Variants in CNTN4 observed in about 807,000 individuals in gnomAD.
CNTN4 encodes contactin-4.
Under a neutral mutation model 122.5 loss-of-function variants are expected in CNTN4, and 77 were observed. That is an observed-to-expected ratio of 0.63 (90% CI 0.52 to 0.76). The LOEUF (loss-of-function observed/expected upper bound fraction) is 0.76, where lower values mean the gene tolerates loss of function less well. Among genes scored for constraint, CNTN4 ranks in the 30% least tolerant of loss-of-function variants. The pLI, the probability that CNTN4 is intolerant of heterozygous loss-of-function variation, is 0.00. For missense variants in CNTN4, 1,256 were observed against 1,259.1 expected (o/e 1.00, Z 0.04); for synonymous variants, 512 against 447.0 (o/e 1.15, Z -1.83).
intron 6 of CNTN4, among the ~76,000 whole-genome samples, chr3:2,786,082 C>G (rs2091812516): frequency 6.6e-6 from 1 of 151,978 alleles, no homozygotes; most frequent in Admixed American, 6.6e-5. Context: ...CAGCCGAACT[C>G]CAGGGGAAGA....
chr3:3,036,733 C>T (rs1431370403), intron 17 of CNTN4, among the ~76,000 whole-genome samples: 1 of 150,482 alleles, frequency 6.6e-6, no homozygotes, highest in Non-Finnish European at 1.5e-5. Flanking sequence ...TGCCACTGCA[C>T]TCTACCCTGG....
chr3:2,896,040 AT>A (rs1227012193), intron 10 of CNTN4, among the ~76,000 whole-genome samples: 3 of 152,244 alleles, frequency 2.0e-5, no homozygotes, highest in Non-Finnish European at 2.9e-5. Context: ...CTCAAAAAAA[AT>A]AAATAAATAA....
chr3:2,931,356 GTTCCTAA>G (rs113905915), intron 13 of CNTN4, among the ~76,000 whole-genome samples: 22,544 of 152,092 alleles, frequency 0.15, 1,826 homozygotes, highest in Non-Finnish European at 0.18. Flanking sequence ...ACGAATGGCA[GTTCCTAA>G]TACCACTTGC....
chr3:2,334,063 T>C lies in CNTN4; in HGVS notation c.-144-5115T>C, dbSNP rs1284281496. Among the ~76,000 whole-genome samples, 5 of 152,212 alleles carry C rather than the reference T, an allele frequency of 3.3e-5. No individual in the cohort carries two copies. The East Asian group carries it at 9.6e-4, about 29-fold the overall frequency. ...GTTGTTAAATGGTAACTCTTACCTC[T>C]CACTTTAGGCTATCCTTTGATATTC... On this transcript the variant is annotated intron_variant, in intron 2 of 24. Coordinates refer to ENST00000418658, the MANE Select transcript of CNTN4 (RefSeq NM_175607.3).
chr3:2,631,488 T>C (rs1168377314), intron 4 of CNTN4, among the ~76,000 whole-genome samples: 2 of 152,154 alleles, frequency 1.3e-5, no homozygotes, highest in African/African-American at 4.8e-5. Context: ...CCACCAGTCA[T>C]CCCCAGTACC....
At chr3:2,239,706 A>G (rs556200318) in intron 2 of CNTN4, among the ~76,000 whole-genome samples, 1 of 152,306 alleles carries the variant, frequency 6.6e-6, no homozygotes, top group South Asian at 2.1e-4. Context: ...CTTATAATTA[A>G]TAAATTAAGA....
chr3:2,274,132 CA>C (rs1451812037), intron 2 of CNTN4, among the ~76,000 whole-genome samples: 3 of 152,086 alleles, frequency 2.0e-5, no homozygotes, highest in Non-Finnish European at 2.9e-5. Context: ...CTTGTAATCC[CA>C]GCACTTTGCG....
At chr3:2,757,190 T>A (rs1222358136) in intron 6 of CNTN4, among the ~76,000 whole-genome samples, 29 of 152,188 alleles carry the variant, frequency 1.9e-4, no homozygotes, top group Non-Finnish European at 1.2e-4. Context: ...TTATAAAGTA[T>A]GATTTGACCA....
intron 13 of CNTN4, among the ~76,000 whole-genome samples, chr3:2,934,367 T>C (rs552656073): frequency 6.6e-6 from 1 of 152,354 alleles, no homozygotes; most frequent in South Asian, 2.1e-4. Context: ...CAAAGTGAAA[T>C]TGGATCATAA....
chr3:2,256,728 A>G (rs1235241915), intron 2 of CNTN4, among the ~76,000 whole-genome samples: 1 of 152,194 alleles, frequency 6.6e-6, no homozygotes, highest in Non-Finnish European at 1.5e-5. Flanking sequence ...AATACAACTT[A>G]AAAGGGATGT....
intron 4 of CNTN4, among the ~76,000 whole-genome samples, chr3:2,584,815 A>G (rs889806090): frequency 6.6e-6 from 1 of 151,678 alleles, no homozygotes; most frequent in Non-Finnish European, 1.5e-5. Flanking sequence ...CTTGATGCCT[A>G]TTTTGTTTAA....
At chr3:3,022,260 T>C (rs1698368334) in intron 14 of CNTN4, among the ~76,000 whole-genome samples, 1 of 151,818 alleles carries the variant, frequency 6.6e-6, no homozygotes, top group Non-Finnish European at 1.5e-5. Flanking sequence ...AAAATAAAAA[T>C]AAAATACTAG....
chr3:2,344,036 C>A (rs1368835542), intron 3 of CNTN4, among the ~76,000 whole-genome samples: 1 of 152,128 alleles, frequency 6.6e-6, no homozygotes, highest in African/African-American at 2.4e-5. Flanking sequence ...CAGGAATTTA[C>A]TCATTACCCA....
At chr3:2,148,380 A>G (rs1319341636) in intron 2 of CNTN4, among the ~76,000 whole-genome samples, 1 of 151,806 alleles carries the variant, frequency 6.6e-6, no homozygotes, top group South Asian at 2.1e-4. Flanking sequence ...CAGAAAATAA[A>G]AAAAAAAAAT....
intron 2 of CNTN4, among the ~76,000 whole-genome samples, chr3:2,291,418 A>T (rs1237904235): frequency 6.6e-6 from 1 of 152,196 alleles, no homozygotes; most frequent in Admixed American, 6.5e-5. Flanking sequence ...AGACTAGCAG[A>T]GTCACCCTAG....
rs141113735 is a variant in CNTN4, at chr3:2,446,975, G to A, written c.-89+107742G>A. On this transcript the variant is annotated intron_variant, in intron 3 of 24. Coordinates refer to ENST00000418658, the MANE Select transcript of CNTN4 (RefSeq NM_175607.3). ...AGTAGATGAGCAAAAAATAACTAGG[G>A]GAAGAACAACATGAACGGCAAAGTT... Among the ~76,000 whole-genome samples the A allele has an allele frequency of 2.1e-3, 324 of 152,048 alleles. 2 individuals are homozygous for A. The highest frequency in any genetic ancestry group is 7.4e-3 in the African/African-American group (305 of 41,464).
chr3:2,226,136 T>C (rs12495079), intron 2 of CNTN4, among the ~76,000 whole-genome samples: 1 of 151,954 alleles, frequency 6.6e-6, no homozygotes, highest in Non-Finnish European at 1.5e-5. Context: ...CGTTTTGCTT[T>C]TTTTTTACAT....
chr3:2,467,985 A>T (rs1332469462), intron 3 of CNTN4, among the ~76,000 whole-genome samples: 1 of 152,186 alleles, frequency 6.6e-6, no homozygotes, highest in East Asian at 1.9e-4. Context: ...TCGTCATTCT[A>T]TAAGTGGGGA....
intron 4 of CNTN4, among the ~76,000 whole-genome samples, chr3:2,606,529 G>A (rs923561024): frequency 2.0e-5 from 3 of 152,132 alleles, no homozygotes; most frequent in East Asian, 1.9e-4. Context: ...ACTGATGGGC[G>A]GATAATGGGT....
Sources: gnomAD v4.1 joint callset for allele counts (sites outside exome capture counted in the v4.1 genomes callset) on GRCh38, gnomAD v4.1.1 for gene constraint, MANE v1.5 for transcripts, NCBI Gene and HGNC (gene_info 2026-07-23, HGNC 2026-07-21) for gene names.